STRN3: variants seen among roughly 807,000 people sequenced by gnomAD.
STRN3 encodes striatin-3.
Under a neutral mutation model 95.6 loss-of-function variants are expected in STRN3, and 29 were observed. The ratio of observed to expected loss-of-function variants is 0.30; its 90% CI spans 0.23 to 0.41. The LOEUF (loss-of-function observed/expected upper bound fraction) is 0.41. Ranked by LOEUF, STRN3 falls within the 10% of genes least tolerant of loss-of-function variation. STRN3 has a pLI of 1.00. For synonymous variants in STRN3, 331 were observed against 357.6 expected (o/e 0.93, Z 0.84); for missense variants, 890 against 972.1 (o/e 0.92, Z 1.12).
intron 1 of STRN3, among the ~76,000 whole-genome samples, chr14:30,970,852 C>T (rs1467521497): frequency 1.3e-5 from 2 of 152,208 alleles, no homozygotes; most frequent in Non-Finnish European, 1.5e-5. Flanking sequence ...TATGTTTGTG[C>T]GCACGGCAGG....
intron 7 of STRN3, among the ~76,000 whole-genome samples, chr14:30,934,811 A>G (rs1290111012): frequency 2.0e-5 from 3 of 152,142 alleles, no homozygotes; most frequent in Non-Finnish European, 2.9e-5. Flanking sequence ...ATCTTCCTAA[A>G]TCTAGAATAC....
At chr14:30,900,200 A>C (rs1896267583) in intron 16 of STRN3, among the ~76,000 whole-genome samples, 1 of 151,726 alleles carries the variant, frequency 6.6e-6, no homozygotes, top group Non-Finnish European at 1.5e-5. Flanking sequence ...TCTACTAAAA[A>C]TATAAAAAAT....
intron 1 of STRN3, among the ~76,000 whole-genome samples, chr14:31,012,203 T>A (rs573897061): frequency 2.3e-4 from 35 of 152,380 alleles, no homozygotes; most frequent in Admixed American, 4.6e-4. Context: ...TACTCTCTCA[T>A]ATTATTTCTC....
chr14:30,968,068 G>C (rs1880623316), intron 1 of STRN3, among the ~76,000 whole-genome samples: 1 of 152,138 alleles, frequency 6.6e-6, no homozygotes, highest in Non-Finnish European at 1.5e-5. Flanking sequence ...AACTAGGAAG[G>C]AACCATCTAT....
At chr14:30,925,277 A>AGT (rs923432842) in intron 8 of STRN3, among the ~76,000 whole-genome samples, 2 of 152,060 alleles carry the variant, frequency 1.3e-5, no homozygotes, top group Non-Finnish European at 2.9e-5. Context: ...GGAGTGAACG[A>AGT]GTTGGGAGAC....
chr14:31,020,214 A>AT (rs1284015362), intron 1 of STRN3, among the ~76,000 whole-genome samples: 2 of 152,196 alleles, frequency 1.3e-5, no homozygotes, highest in Non-Finnish European at 2.9e-5. Context: ...AAAGTGTTCA[A>AT]TAGGTCAGGC....
chr14:31,017,360 G>A (rs1025256746), intron 1 of STRN3, among the ~76,000 whole-genome samples: 38 of 149,052 alleles, frequency 2.5e-4, no homozygotes, highest in South Asian at 1.9e-3. Flanking sequence ...TTAGCCGGGC[G>A]TGGTGGCGGG....
chr14:30,993,734 C>T (rs767231088), intron 1 of STRN3, among the ~76,000 whole-genome samples: 3 of 152,094 alleles, frequency 2.0e-5, no homozygotes, highest in Non-Finnish European at 2.9e-5. Context: ...GGCTGGAGTG[C>T]AATAGTGCGA....
chr14:30,969,537 C>T (rs537333229), intron 1 of STRN3, among the ~76,000 whole-genome samples: 2 of 151,928 alleles, frequency 1.3e-5, no homozygotes, highest in African/African-American at 4.8e-5. Context: ...TAATAACACA[C>T]TAATATAAAG....
At chr14:30,960,291 T>C (rs1880125062) in intron 1 of STRN3, among the ~76,000 whole-genome samples, 1 of 152,056 alleles carries the variant, frequency 6.6e-6, no homozygotes, top group East Asian at 1.9e-4. Context: ...CAGTGAGCTA[T>C]CAGGCCACTG....
At chr14:30,973,222 G>T (rs1041841087) in intron 1 of STRN3, among the ~76,000 whole-genome samples, 1 of 151,686 alleles carries the variant, frequency 6.6e-6, no homozygotes, top group East Asian at 1.9e-4. Flanking sequence ...AAAGCCAGTA[G>T]AGGCAAATAA....
chr14:31,011,768 T>G (rs960706016), intron 1 of STRN3, among the ~76,000 whole-genome samples: 3 of 152,090 alleles, frequency 2.0e-5, no homozygotes, highest in African/African-American at 7.2e-5. Flanking sequence ...CCAACCCTTT[T>G]TATTTATTTT....
At chr14:31,009,159 C>T (rs899324830) in intron 1 of STRN3, among the ~76,000 whole-genome samples, 1 of 151,806 alleles carries the variant, frequency 6.6e-6, no homozygotes, top group Non-Finnish European at 1.5e-5. Flanking sequence ...TCTTTTGTAT[C>T]GATATATACA....
chr14:30,987,622 A>G (rs1170103153), intron 1 of STRN3, among the ~76,000 whole-genome samples: 2 of 152,228 alleles, frequency 1.3e-5, no homozygotes, highest in African/African-American at 2.4e-5. Flanking sequence ...TGGAGGAGCC[A>G]TGGTAGCTTA....
chr14:30,943,163 T>G (rs543006753), intron 5 of STRN3, among the ~76,000 whole-genome samples: 4 of 152,368 alleles, frequency 2.6e-5, no homozygotes, highest in African/African-American at 7.2e-5. Context: ...GATCCACATG[T>G]TATATCATTT....
At chr14:30,952,319 T>G (rs1022016379) in intron 3 of STRN3, among the ~76,000 whole-genome samples, 27 of 152,176 alleles carry the variant, frequency 1.8e-4, no homozygotes, top group African/African-American at 6.3e-4. Flanking sequence ...GAAGACTCTG[T>G]GAGGCTCCTA....
intron 1 of STRN3, among the ~76,000 whole-genome samples, chr14:31,007,328 A>T (rs1277886308): frequency 6.6e-6 from 1 of 152,212 alleles, no homozygotes; most frequent in Non-Finnish European, 1.5e-5. Context: ...CAAAAGGCAG[A>T]ACTGGTAGAC....
At chr14:30,955,179 G>A (rs1485894428) in intron 3 of STRN3, among the ~76,000 whole-genome samples, 2 of 152,114 alleles carry the variant, frequency 1.3e-5, no homozygotes, top group African/African-American at 4.8e-5. Flanking sequence ...TTATATGTAT[G>A]ACAACAAATG....
chr14:30,946,354 G>A (rs1317741971), intron 5 of STRN3, among the ~76,000 whole-genome samples: 2 of 151,742 alleles, frequency 1.3e-5, no homozygotes, highest in Non-Finnish European at 2.9e-5. Context: ...ACCAGCCTGG[G>A]CAACAGAGCA....
Sources: allele counts gnomAD v4.1 joint callset (sites outside exome capture counted in the v4.1 genomes callset), GRCh38; gene constraint gnomAD v4.1.1; transcripts MANE v1.5; gene names NCBI Gene and HGNC (gene_info 2026-07-23, HGNC 2026-07-21).